The following ARL5A variants were observed in gnomAD, a reference collection of about 807,000 sequenced individuals.
The protein encoded by ARL5A is ARF like GTPase 5A, also known as ADP-ribosylation factor-like protein 5A.
In ARL5A, 18 loss-of-function variants were observed where a neutral mutation model predicts 25.9. The observed-to-expected ratio is 0.69, with a 90% confidence interval of 0.48 to 1.03. ARL5A has a LOEUF of 1.03. Among genes scored for constraint, ARL5A ranks in the 50% least tolerant of loss-of-function variants. The pLI is 0.00. For synonymous variants in ARL5A, 61 were observed against 67.5 expected, an observed-to-expected ratio of 0.90 and a Z score of 0.47; for missense variants, 170 against 211.9, an observed-to-expected ratio of 0.80 and a Z score of 1.23.
At position 151,812,373 on chromosome 2, in the gene ARL5A, TTA is replaced by T. The variant is rs748250229; in HGVS notation, c.321_322del (p.Tyr107Ter). Reference sequence around the variant, plus strand: ...CTTACTTACCTCATGCGCTAACATTTTATAGAGTTCTTCTCTAGTTACAGAAA... The same window carrying T: ...CTTACTTACCTCATGCGCTAACATTTTAGAGTTCTTCTCTAGTTACAGAAA... On this transcript the variant is annotated stop_gained and frameshift_variant, in exon 4 of 6. Transcript: ENST00000295087. LOFTEE classifies it high-confidence loss of function. 3 of 1,604,896 alleles carry T rather than the reference TTA, an allele frequency of 1.9e-6. No homozygotes were observed. The highest frequency in any genetic ancestry group is 2.2e-5 in the South Asian group (2 of 89,860).
At chr2:151,807,285 C>G (rs960969431) in intron 4 of ARL5A, among the ~76,000 whole-genome samples, 7 of 152,150 alleles carry the variant, frequency 4.6e-5, no homozygotes, top group Admixed American at 3.9e-4. Context: ...TAGCCTAATA[C>G]TTGAGAGCTC....
intron 5 of ARL5A, among the ~76,000 whole-genome samples, chr2:151,804,444 A>T (rs1228973579): frequency 4.6e-5 from 7 of 152,172 alleles, no homozygotes; most frequent in Non-Finnish European, 1.0e-4. Context: ...ATTTTTTTCA[A>T]TTCAGAGTTT....
At chr2:151,818,067 C>G (rs913904159) in intron 1 of ARL5A, among the ~76,000 whole-genome samples, 5 of 152,108 alleles carry the variant, frequency 3.3e-5, no homozygotes, top group Admixed American at 2.6e-4. Flanking sequence ...AGACAGGACT[C>G]AGAGAGAGCA....
chr2:151,821,899 G>T lies in ARL5A; in HGVS notation c.46+6232C>A, dbSNP rs2099832391. Reference sequence around the variant, plus strand: ...GAGTCTCGCCCTGTCGCCCAGGCTGGAGTGCAATGGCATGATCTCGGCTCA... The same window carrying T: ...GAGTCTCGCCCTGTCGCCCAGGCTGTAGTGCAATGGCATGATCTCGGCTCA... On this transcript the variant is annotated intron_variant, in intron 1 of 5. Coordinates refer to ENST00000295087, the MANE Select transcript of ARL5A (RefSeq NM_012097.4). Among the ~76,000 whole-genome samples, 3 of 151,060 alleles carry T rather than the reference G, an allele frequency of 2.0e-5. No individual in the cohort carries two copies. The South Asian group carries it at 6.3e-4, about 32-fold the overall frequency.
intron 5 of ARL5A, among the ~76,000 whole-genome samples, chr2:151,806,533 TA>T (rs2099830136): frequency 6.6e-6 from 1 of 152,192 alleles, no homozygotes. Context: ...ATGTATTTCC[TA>T]ACTTCTCCAG....
intron 4 of ARL5A, among the ~76,000 whole-genome samples, chr2:151,809,718 G>C (rs934382405): frequency 6.6e-6 from 1 of 152,192 alleles, no homozygotes; most frequent in African/African-American, 2.4e-5. Context: ...TCAAGGAGAT[G>C]AATAACAGCA....
At chr2:151,812,526 T>TTTA (rs2099830969) in intron 3 of ARL5A, 86 bp from the exon 4 acceptor site, 1 of 812,374 alleles carries the variant, frequency 1.2e-6, no homozygotes, top group South Asian at 2.5e-5. Context: ...ATACAGGCTA[T>TTTA]TAATATCAAG....
intron 4 of ARL5A, among the ~76,000 whole-genome samples, chr2:151,811,517 T>C (rs1041781404): frequency 3.9e-5 from 6 of 152,032 alleles, no homozygotes; most frequent in Non-Finnish European, 7.4e-5. Context: ...GTTACCGTAA[T>C]ATTTTTCTAT....
intron 1 of ARL5A, among the ~76,000 whole-genome samples, chr2:151,818,795 A>G (rs971929635): frequency 2.3e-4 from 35 of 152,178 alleles, no homozygotes; most frequent in African/African-American, 8.4e-4. Context: ...ACACAACTAG[A>G]ATTCATTATC....
rs1265618520 is a variant in ARL5A at position 151,798,848 on chromosome 2, T to C, written c.*4428A>G. 1 of 151,754 alleles carries C rather than the reference T, an allele frequency of 6.6e-6. No homozygotes were observed. Among genetic ancestry groups the C allele is most frequent in the African/African-American group, 2.4e-5 (1 of 41,284 alleles). The allele number at this position is 151,754 out of a possible 1,614,324, so 9.4% of individuals were successfully genotyped here. On this transcript the variant is annotated 3_prime_UTR_variant, in exon 6 of 6. Coordinates refer to ENST00000295087, the MANE Select transcript of ARL5A (RefSeq NM_012097.4). Reference sequence around the variant, plus strand: ...TAGATGGGCTTAAAATCAACACAAATCCATTTTTAGGCACTTCTTGAGTAC... The same window carrying C: ...TAGATGGGCTTAAAATCAACACAAACCCATTTTTAGGCACTTCTTGAGTAC...
At chr2:151,806,709 C>T (rs2099830163) in intron 5 of ARL5A, 112 bp downstream of exon 5, 1 of 1,091,360 alleles carries the variant, frequency 9.2e-7, no homozygotes, top group Non-Finnish European at 1.3e-6. Context: ...TTACGTCTGT[C>T]CCTTACGATG....
At chr2:151,822,328 A>G (rs1424024912) in intron 1 of ARL5A, among the ~76,000 whole-genome samples, 2 of 152,196 alleles carry the variant, frequency 1.3e-5, no homozygotes, top group African/African-American at 4.8e-5. Context: ...GACCATTTTT[A>G]ATAGCTTCCT....
chr2:151,828,336 C>CTT lies in ARL5A; in HGVS notation c.-161_-160insAA. On this transcript the variant is annotated 5_prime_UTR_variant, in exon 1 of 6. An upstream open reading frame in the 5' UTR loses its in-frame stop. Coordinates refer to ENST00000295087, the MANE Select transcript of ARL5A (RefSeq NM_012097.4). ...CCAGGGAACCGGAGGGAGGCCGAAG[C>CTT]CCAGGCCGCCCTGCCGCGCGCAAGG... The CTT allele has an allele frequency of 3.5e-6, 2 of 575,262 alleles. No homozygotes were observed. The highest frequency in any genetic ancestry group is 5.8e-6 in the Non-Finnish European group (2 of 346,066). 35.6% of individuals were successfully genotyped at this position (575,262 alleles called of 1,614,324 possible).
intron 3 of ARL5A, among the ~76,000 whole-genome samples, chr2:151,813,500 C>T (rs1405008256): frequency 6.6e-6 from 1 of 152,126 alleles, no homozygotes; most frequent in Non-Finnish European, 1.5e-5. Context: ...TGATTAAATG[C>T]CTAATGCAGT....
rs927437124 is a variant in ARL5A, at chr2:151,800,179, A to AT, written c.*3096dup. 3.3e-5 allele frequency: 5 copies of AT among 152,164 alleles called. No homozygotes were observed. The highest frequency in any genetic ancestry group is 1.2e-4 in the African/African-American group (5 of 41,430). 9.4% of individuals were successfully genotyped at this position (152,164 alleles called of 1,614,324 possible). ...GAGAAAACTAGAAAGTTGTCTATAG[A>AT]TTTTCTATTTACACTAATATAAACA... On this transcript the variant is annotated 3_prime_UTR_variant, in exon 6 of 6. Coordinates refer to ENST00000295087, the MANE Select transcript of ARL5A (RefSeq NM_012097.4).
At chr2:151,813,554 G>C (rs549400244) in intron 3 of ARL5A, among the ~76,000 whole-genome samples, 39 of 152,232 alleles carry the variant, frequency 2.6e-4, no homozygotes, top group African/African-American at 9.4e-4. Context: ...GTTTCTTAAT[G>C]ACTTAAAAGT....
At chr2:151,806,555 T>C (rs1380265485) in intron 5 of ARL5A, among the ~76,000 whole-genome samples, 2 of 152,208 alleles carry the variant, frequency 1.3e-5, no homozygotes, top group African/African-American at 4.8e-5. Context: ...CTCTCACTGA[T>C]ACTCCCATTT....
chr2:151,801,470 A>G lies in ARL5A; in HGVS notation c.*1806T>C, dbSNP rs918466942. 4 of 152,182 alleles carry G rather than the reference A, an allele frequency of 2.6e-5. No individual in the cohort carries two copies. The highest frequency in any genetic ancestry group is 5.9e-5 in the Non-Finnish European group (4 of 67,980). The allele number at this position is 152,182 out of a possible 1,614,324, so 9.4% of individuals were successfully genotyped here. A position where few individuals can be genotyped will look rare whatever the true frequency, so the allele number is the denominator to read the frequency against. ...TTTGGGTAAAGGAGATTTTTAATAG[A>G]TAACAAGTAATTCTTTATAGGGATT... On this transcript the variant is annotated 3_prime_UTR_variant, in exon 6 of 6. Transcript: ENST00000295087.
chr2:151,803,243 T>C lies in ARL5A; in HGVS notation c.*33A>G, dbSNP rs773210695. The C allele has an allele frequency of 3.2e-6, 5 of 1,566,038 alleles. No homozygotes were observed. In the African/African-American group the frequency reaches 6.8e-5, roughly 21 times the overall value. On this transcript the variant is annotated 3_prime_UTR_variant, in exon 6 of 6. Coordinates refer to ENST00000295087, the MANE Select transcript of ARL5A (RefSeq NM_012097.4). ...TTCAGGTAAAGTCCAGCACTTCATTTATACAAAATCTATGAGAAGAGGTCA... is the reference window on the plus strand; with the variant it reads ...TTCAGGTAAAGTCCAGCACTTCATTCATACAAAATCTATGAGAAGAGGTCA...
Sources: allele counts gnomAD v4.1 joint callset (sites outside exome capture counted in the v4.1 genomes callset), GRCh38; gene constraint gnomAD v4.1.1; transcripts MANE v1.5; gene names NCBI Gene and HGNC (gene_info 2026-07-23, HGNC 2026-07-21).